The following DMD variants were observed in gnomAD, a reference collection of about 807,000 sequenced individuals.
The protein encoded by DMD is mutant dystrophin.
In DMD, 63 loss-of-function variants were observed where a neutral mutation model predicts 330.1. The observed-to-expected ratio is 0.19, with a 90% confidence interval of 0.16 to 0.24. DMD has a LOEUF of 0.24. Ranked by LOEUF, DMD falls within the 10% of genes least tolerant of loss-of-function variation. DMD has a pLI of 1.00. For synonymous variants in DMD, 1,223 were observed against 959.8 expected, an observed-to-expected ratio of 1.27 and a Z score of -5.07; for missense variants, 3,344 against 2,684.1, an observed-to-expected ratio of 1.25 and a Z score of -5.43.
chrX:32,156,076 C>A (rs1302559647), intron 44 of DMD, among the ~76,000 whole-genome samples: 1 of 111,020 alleles, frequency 9.0e-6, no homozygotes, highest in Non-Finnish European at 1.9e-5. Context: ...GTGTGCTATT[C>A]ATTCACTGAG....
At chrX:32,251,535 A>G (rs902380820) in intron 43 of DMD, among the ~76,000 whole-genome samples, 1 of 111,857 alleles carries the variant, frequency 8.9e-6, no homozygotes, top group Non-Finnish European at 1.9e-5. Context: ...TAATAGCTCC[A>G]TTAACATAAG....
intron 43 of DMD, among the ~76,000 whole-genome samples, chrX:32,271,074 T>G (rs1304882869): frequency 9.0e-6 from 1 of 111,527 alleles, no homozygotes; most frequent in African/African-American, 3.3e-5. Context: ...ATTCCAGAAT[T>G]ATATCTCTGA....
At chrX:31,521,780 G>A (rs6631324) in intron 55 of DMD, among the ~76,000 whole-genome samples, 11,423 of 111,017 alleles carry the variant, frequency 0.1, 569 homozygotes, top group Admixed American at 0.19. Flanking sequence ...AACCAACGTG[G>A]ATAATTATTA....
At chrX:31,246,270 G>A (rs955676831) in intron 63 of DMD, among the ~76,000 whole-genome samples, 5 of 112,075 alleles carry the variant, frequency 4.5e-5, no homozygotes, top group African/African-American at 1.6e-4. Flanking sequence ...AGCTGCAGAA[G>A]AAAAGTTGGA....
At position 32,049,457 on chromosome X, in the gene DMD, G is replaced by C. The variant is rs141958816; in HGVS notation, c.6439-80943C>G. Among the ~76,000 whole-genome samples, 582 of 111,261 alleles carry C rather than the reference G, an allele frequency of 5.2e-3. 2 individuals carry two copies. The highest frequency in any genetic ancestry group is 0.016 in the African/African-American group (503 of 30,671). On this transcript the variant is annotated intron_variant, in intron 44 of 78. Transcript: ENST00000357033. ...TATAATTACTAAATGGAAATGGTTTGACAAGTCTGATACAAAAAGGCTCTC... is the reference window on the plus strand; with the variant it reads ...TATAATTACTAAATGGAAATGGTTTCACAAGTCTGATACAAAAAGGCTCTC...
At chrX:33,060,015 T>A (rs911104594) in intron 1 of DMD, among the ~76,000 whole-genome samples, 1 of 111,979 alleles carries the variant, frequency 8.9e-6, no homozygotes, top group Non-Finnish European at 1.9e-5. Context: ...CAAATGGTAA[T>A]GTGCGATCCT....
At chrX:31,665,069 G>C (rs1032779965) in intron 53 of DMD, among the ~76,000 whole-genome samples, 1 of 111,509 alleles carries the variant, frequency 9.0e-6, no homozygotes, top group Admixed American at 9.6e-5. Context: ...CTTGTTCAAG[G>C]TGACATAGCT....
In DMD at chrX:32,956,751, G is replaced by A. The variant is rs756628393; in HGVS notation, c.93+63388C>T. Among the ~76,000 whole-genome samples, 103 of 111,017 alleles carry A rather than the reference G, an allele frequency of 9.3e-4. 1 individual carries two copies. The highest frequency in any genetic ancestry group is 4.7e-3 in the Middle Eastern group (1 of 214). Reference sequence around the variant, plus strand: ...TTCTAATACTATGTTAAATAGGAATGGTAAGAGAGGGCATCCTTGTCTTGT... The same window carrying A: ...TTCTAATACTATGTTAAATAGGAATAGTAAGAGAGGGCATCCTTGTCTTGT... On this transcript the variant is annotated intron_variant, in intron 2 of 78. Transcript: ENST00000357033.
chrX:32,611,642 A>G (rs913156438), intron 12 of DMD, among the ~76,000 whole-genome samples: 5 of 111,466 alleles, frequency 4.5e-5, no homozygotes, highest in Non-Finnish European at 9.4e-5. Context: ...GTCCCAAGCT[A>G]AGAACTTCCT....
intron 13 of DMD, among the ~76,000 whole-genome samples, chrX:32,584,393 T>C (rs191548983): frequency 3.0e-4 from 34 of 111,612 alleles, no homozygotes; most frequent in African/African-American, 7.1e-4. Context: ...AATATGCATA[T>C]ACCCAATGAT....
intron 74 of DMD, among the ~76,000 whole-genome samples, chrX:31,149,613 T>C (rs190879964): frequency 1.4e-3 from 156 of 112,431 alleles, no homozygotes; most frequent in Middle Eastern, 4.6e-3. Flanking sequence ...TCTCATTTTA[T>C]GTCCATTAAT....
chrX:32,258,706 T>C (rs2097309387), intron 43 of DMD, among the ~76,000 whole-genome samples: 1 of 110,439 alleles, frequency 9.1e-6, no homozygotes, highest in South Asian at 3.9e-4. Flanking sequence ...GAGAAATACC[T>C]AATGTAGATG....
chrX:32,680,135 A>G (rs771165477), intron 9 of DMD, among the ~76,000 whole-genome samples: 6 of 108,031 alleles, frequency 5.6e-5, no homozygotes, highest in Non-Finnish European at 9.6e-5. Flanking sequence ...GCTGGTCTCG[A>G]ACTCCTGAAC....
intron 44 of DMD, among the ~76,000 whole-genome samples, chrX:32,049,830 G>A (rs1468524427): frequency 1.8e-5 from 2 of 111,463 alleles, no homozygotes; most frequent in Admixed American, 1.9e-4. Flanking sequence ...TGGTTTTTCA[G>A]GAAGGAAGAT....
At chrX:32,976,659 C>T (rs1335837978) in intron 2 of DMD, among the ~76,000 whole-genome samples, 1 of 111,744 alleles carries the variant, frequency 8.9e-6, no homozygotes, top group East Asian at 2.8e-4. Context: ...ATTCATACCA[C>T]TCACCTGCAT....
At chrX:32,582,929 G>A (rs1418260257) in intron 13 of DMD, among the ~76,000 whole-genome samples, 6 of 111,343 alleles carry the variant, frequency 5.4e-5, no homozygotes, top group Admixed American at 3.8e-4. Context: ...ATGATAGCAC[G>A]CCTATCTCCC....
chrX:31,543,372 T>A (rs2073956835), intron 55 of DMD, among the ~76,000 whole-genome samples: 1 of 110,360 alleles, frequency 9.1e-6, no homozygotes, highest in Non-Finnish European at 1.9e-5. Flanking sequence ...GGTTTCATCA[T>A]GTTGGCCAGG....
chrX:31,526,808 T>C (rs1366258344), intron 55 of DMD, among the ~76,000 whole-genome samples: 1 of 111,907 alleles, frequency 8.9e-6, no homozygotes, highest in Non-Finnish European at 1.9e-5. Flanking sequence ...TCTGGGAGAT[T>C]TTTATATTTT....
At chrX:33,163,175 G>A (rs1316042906) in intron 1 of DMD, among the ~76,000 whole-genome samples, 1 of 111,522 alleles carries the variant, frequency 9.0e-6, no homozygotes, top group Non-Finnish European at 1.9e-5. Flanking sequence ...AGTAACAGGT[G>A]TGAAAATGAT....
Sources: gnomAD v4.1 joint callset for allele counts (sites outside exome capture counted in the v4.1 genomes callset) on GRCh38, gnomAD v4.1.1 for gene constraint, MANE v1.5 for transcripts, NCBI Gene and HGNC (gene_info 2026-07-23, HGNC 2026-07-21) for gene names.